COBLL1: variants seen among roughly 807,000 people sequenced by gnomAD.
COBLL1 encodes the protein cordon-bleu WH2 repeat protein like 1.
COBLL1 carries 50 observed loss-of-function variants against 94.8 expected under a neutral mutation model. That is an observed-to-expected ratio of 0.53 (90% confidence interval 0.42 to 0.67). The LOEUF is 0.67. Ranked by LOEUF, COBLL1 falls within the 30% of genes least tolerant of loss-of-function variation. The pLI is 0.00. For missense variants in COBLL1, 1,362 were observed against 1,348.7 expected, an observed-to-expected ratio of 1.01 and a Z score of -0.15; for synonymous variants, 448 against 473.8, an observed-to-expected ratio of 0.95 and a Z score of 0.71.
intron 2 of COBLL1, among the ~76,000 whole-genome samples, chr2:164,793,470 G>A (rs1300903007): frequency 3.3e-5 from 5 of 151,940 alleles, no homozygotes; most frequent in African/African-American, 4.8e-5. Context: ...TTTGACATAC[G>A]TTTTACTGTG....
At chr2:164,704,392 T>C in intron 9 of COBLL1, 52 bp downstream of exon 9, 2 of 1,190,930 alleles carry the variant, frequency 1.7e-6, no homozygotes, top group South Asian at 2.5e-5. Flanking sequence ...TTCTCAATTA[T>C]CATGGACGTC....
chr2:164,762,383 C>T (rs995598173), intron 2 of COBLL1, among the ~76,000 whole-genome samples: 5 of 152,178 alleles, frequency 3.3e-5, no homozygotes, highest in Admixed American at 3.3e-4. Flanking sequence ...CCAGTAGTAG[C>T]ATCTACTGTA....
intron 2 of COBLL1, among the ~76,000 whole-genome samples, chr2:164,775,945 T>C (rs895400885): frequency 1.3e-5 from 2 of 152,088 alleles, no homozygotes; most frequent in African/African-American, 4.8e-5. Flanking sequence ...CCTCCTCCCT[T>C]AGTTTCCCTG....
At chr2:164,667,721 G>A (rs540135971) in intron 1 of COBLL1, among the ~76,000 whole-genome samples, 2 of 152,082 alleles carry the variant, frequency 1.3e-5, no homozygotes, top group South Asian at 2.1e-4. Flanking sequence ...TAGAATTGAC[G>A]AGAGAGTTAG....
At chr2:164,818,679 ATATATAG>A (rs1684996547) in intron 2 of COBLL1, among the ~76,000 whole-genome samples, 1 of 148,694 alleles carries the variant, frequency 6.7e-6, no homozygotes, top group Admixed American at 6.8e-5. Context: ...ATATGTAAAC[ATATATAG>A]TGTATATGTA....
chr2:164,831,800 T>C (rs1435254482), intron 2 of COBLL1, among the ~76,000 whole-genome samples: 2 of 152,154 alleles, frequency 1.3e-5, no homozygotes, highest in South Asian at 2.1e-4. Flanking sequence ...AGCAAGTGAC[T>C]ATCAGGCATA....
chr2:164,671,415 T>C (rs1381873318), intron 1 of COBLL1, among the ~76,000 whole-genome samples: 2 of 152,134 alleles, frequency 1.3e-5, no homozygotes, highest in African/African-American at 4.8e-5. Flanking sequence ...CAAAATTTCA[T>C]TTAGCAGTTC....
chr2:164,761,014 T>G (rs969495649), intron 2 of COBLL1, among the ~76,000 whole-genome samples: 2 of 152,100 alleles, frequency 1.3e-5, no homozygotes, highest in African/African-American at 4.8e-5. Flanking sequence ...ACTAAAGAAG[T>G]CCTACCCACA....
intron 2 of COBLL1, among the ~76,000 whole-genome samples, chr2:164,770,749 G>A (rs1270502265): frequency 2.0e-5 from 3 of 152,044 alleles, no homozygotes; most frequent in Non-Finnish European, 2.9e-5. Context: ...AGAAACAAAG[G>A]CATATATAAC....
intron 2 of COBLL1, among the ~76,000 whole-genome samples, chr2:164,751,352 T>C (rs2105585978): frequency 6.6e-6 from 1 of 152,268 alleles, no homozygotes; most frequent in Admixed American, 6.5e-5. Flanking sequence ...CCTAGAACTA[T>C]AACTGGCACA....
At chr2:164,828,594 T>TTA (rs1559055283) in intron 2 of COBLL1, among the ~76,000 whole-genome samples, 1 of 151,990 alleles carries the variant, frequency 6.6e-6, no homozygotes, top group Non-Finnish European at 1.5e-5. Context: ...AAGGGAGAAA[T>TTA]TATATACGTA....
intron 2 of COBLL1, among the ~76,000 whole-genome samples, chr2:164,810,380 A>G (rs777513455): frequency 6.6e-6 from 1 of 151,616 alleles, no homozygotes; most frequent in East Asian, 1.9e-4. Flanking sequence ...AAATTATATA[A>G]AAATCCAAAA....
At chr2:164,815,398 CAAAAA>C (rs66834267) in intron 2 of COBLL1, among the ~76,000 whole-genome samples, 7 of 112,074 alleles carry the variant, frequency 6.2e-5, no homozygotes, top group Admixed American at 1.8e-4. Context: ...TATCCTATCT[CAAAAA>C]AAAAAAAAAA....
intron 3 of COBLL1, among the ~76,000 whole-genome samples, chr2:164,734,080 A>C (rs541678979): frequency 3.9e-5 from 6 of 152,274 alleles, no homozygotes; most frequent in Admixed American, 3.9e-4. Flanking sequence ...GAGGAAGAGC[A>C]ATCTGTGCTT....
intron 5 of COBLL1, chr2:164,724,942 T>C (rs1213706560): frequency 6.6e-6 from 1 of 151,862 alleles, no homozygotes; most frequent in Non-Finnish European, 1.5e-5. Flanking sequence ...AGTTTGACAA[T>C]GCTAGCAACT....
At chr2:164,789,048 CACACACACACACACACAG>C (rs1283204587) in intron 2 of COBLL1, among the ~76,000 whole-genome samples, 2 of 151,402 alleles carry the variant, frequency 1.3e-5, no homozygotes, top group African/African-American at 4.9e-5. Flanking sequence ...CACACACACA[CACACACACACACACACAG>C]ATGCAGTGGT....
chr2:164,791,851 A>G (rs1452236593), intron 2 of COBLL1, among the ~76,000 whole-genome samples: 1 of 150,898 alleles, frequency 6.6e-6, no homozygotes, highest in Non-Finnish European at 1.5e-5. Flanking sequence ...TTATATACGT[A>G]TCAAATTCCC....
At chr2:164,786,383 G>T (rs1168733088) in intron 2 of COBLL1, among the ~76,000 whole-genome samples, 6 of 152,214 alleles carry the variant, frequency 3.9e-5, no homozygotes, top group Non-Finnish European at 7.3e-5. Flanking sequence ...TGGGCAGAGG[G>T]ATGGAGAGTC....
At chr2:164,800,629 T>C (rs1392376482) in intron 2 of COBLL1, 3 of 694,206 alleles carry the variant, frequency 4.3e-6, no homozygotes, top group East Asian at 5.4e-5. Context: ...CTATTCATAA[T>C]GAACCCAAAC....
Sources: allele counts gnomAD v4.1 joint callset (sites outside exome capture counted in the v4.1 genomes callset), GRCh38; gene constraint gnomAD v4.1.1; transcripts MANE v1.5; gene names NCBI Gene and HGNC (gene_info 2026-07-23, HGNC 2026-07-21).